The following NAALADL2 variants were observed in gnomAD, a reference collection of about 807,000 sequenced individuals.
NAALADL2 encodes the protein inactive N-acetylated-alpha-linked acidic dipeptidase-like protein 2.
In NAALADL2, 76 loss-of-function variants were observed where a neutral mutation model predicts 87.2. The observed-to-expected ratio is 0.87, with a 90% CI of 0.72 to 1.05. NAALADL2 has a LOEUF of 1.05. Ranked by LOEUF, NAALADL2 falls within the 50% of genes least tolerant of loss-of-function variation. The probability of loss-of-function intolerance (pLI) is 0.00; values close to 1 mark genes in which losing one functional copy is unlikely to be tolerated. For missense variants in NAALADL2, 1,089 were observed against 945.8 expected, an observed-to-expected ratio of 1.15 and a Z score of -1.99; for synonymous variants, 354 against 331.0, an observed-to-expected ratio of 1.07 and a Z score of -0.75.
chr3:175,638,266 A>T (rs980658598), intron 11 of NAALADL2, among the ~76,000 whole-genome samples: 3 of 152,218 alleles, frequency 2.0e-5, no homozygotes, highest in Non-Finnish European at 2.9e-5. Context: ...CAAAGGAAAT[A>T]AAAGAGGGAT....
At chr3:175,281,808 T>C (rs1473563923) in intron 4 of NAALADL2, among the ~76,000 whole-genome samples, 1 of 152,018 alleles carries the variant, frequency 6.6e-6, no homozygotes, top group Non-Finnish European at 1.5e-5. Flanking sequence ...CTACTCTTGT[T>C]TCCCAAATAT....
At chr3:175,057,192 A>T (rs1712388998) in intron 1 of NAALADL2, among the ~76,000 whole-genome samples, 1 of 152,172 alleles carries the variant, frequency 6.6e-6, no homozygotes, top group African/African-American at 2.4e-5. Context: ...TCTATAAGGG[A>T]AAAAATAGAC....
intron 9 of NAALADL2, among the ~76,000 whole-genome samples, chr3:175,550,424 A>G (rs2149489222): frequency 6.6e-6 from 1 of 152,272 alleles, no homozygotes; most frequent in South Asian, 2.1e-4. Flanking sequence ...TCCAGACAAA[A>G]TAGTAACTTG....
At chr3:175,173,514 A>G (rs1314260970) in intron 2 of NAALADL2, among the ~76,000 whole-genome samples, 2 of 152,080 alleles carry the variant, frequency 1.3e-5, no homozygotes, top group Non-Finnish European at 2.9e-5. Context: ...AATAATTCCA[A>G]TGACATTTTT....
intron 2 of NAALADL2, among the ~76,000 whole-genome samples, chr3:175,166,699 T>C (rs1257384551): frequency 6.6e-6 from 1 of 152,060 alleles, no homozygotes; most frequent in African/African-American, 2.4e-5. Flanking sequence ...TAGCTACGTC[T>C]TTCTGCTGAT....
intron 4 of NAALADL2, among the ~76,000 whole-genome samples, chr3:175,274,380 A>G (rs1229976586): frequency 6.6e-6 from 1 of 152,220 alleles, no homozygotes; most frequent in African/African-American, 2.4e-5. Flanking sequence ...TCACATTACA[A>G]CAAAAAACTA....
intron 3 of NAALADL2, among the ~76,000 whole-genome samples, chr3:174,823,352 T>A (rs1381388710): frequency 2.0e-5 from 3 of 152,230 alleles, no homozygotes; most frequent in Non-Finnish European, 4.4e-5. Context: ...ATGGAGGATT[T>A]TTTGCCAATC....
chr3:175,589,042 A>G (rs1215036153), intron 10 of NAALADL2, among the ~76,000 whole-genome samples: 2 of 152,218 alleles, frequency 1.3e-5, no homozygotes, highest in African/African-American at 2.4e-5. Flanking sequence ...ACATATTTAG[A>G]TATTTTTTGA....
At chr3:175,592,136 T>C (rs570604478) in intron 10 of NAALADL2, among the ~76,000 whole-genome samples, 2 of 152,168 alleles carry the variant, frequency 1.3e-5, no homozygotes, top group South Asian at 4.1e-4. Flanking sequence ...ATAGAATTCA[T>C]TTATAAAACT....
At chr3:175,565,813 A>G (rs1324994568) in intron 9 of NAALADL2, among the ~76,000 whole-genome samples, 2 of 150,720 alleles carry the variant, frequency 1.3e-5, no homozygotes, top group East Asian at 3.9e-4. Context: ...CCAAACAAAA[A>G]ACAAAAGCCC....
chr3:174,916,630 T>G (rs2108328043), intron 1 of NAALADL2, among the ~76,000 whole-genome samples: 1 of 151,486 alleles, frequency 6.6e-6, no homozygotes, highest in South Asian at 2.1e-4. Context: ...AACCAAATAT[T>G]ATATGTCCTC....
rs900433443 is a variant in NAALADL2 at position 175,802,889 on chromosome 3, T to A, written c.2190-116T>A. 4.5e-6 allele frequency: 3 copies of A among 673,760 alleles called. No homozygotes were observed. In the Admixed American group the frequency reaches 9.0e-5, roughly 20 times the overall value. 41.7% of individuals were successfully genotyped at this position (673,760 alleles called of 1,614,324 possible). A position where few individuals can be genotyped will look rare whatever the true frequency, so the allele number is the denominator to read the frequency against. On this transcript the variant is annotated intron_variant, in intron 13 of 13. Transcript: ENST00000454872. ...GTTGAAAAATCGTGATATTATATTT[T>A]TATAATTTATTCATTTATTGAAAAC...
At chr3:175,514,138 A>G (rs1157492552) in intron 9 of NAALADL2, among the ~76,000 whole-genome samples, 1 of 152,224 alleles carries the variant, frequency 6.6e-6, no homozygotes, top group Admixed American at 6.5e-5. Context: ...TTAATGTGGT[A>G]AATGCAGCAT....
chr3:174,867,757 G>A (rs987585484), intron 1 of NAALADL2, among the ~76,000 whole-genome samples: 5 of 151,806 alleles, frequency 3.3e-5, no homozygotes, highest in East Asian at 1.9e-4. Context: ...AAGAACCATT[G>A]GCAAATAAAA....
At chr3:174,520,895 G>A (rs1720236242) in intron 1 of NAALADL2, among the ~76,000 whole-genome samples, 1 of 151,962 alleles carries the variant, frequency 6.6e-6, no homozygotes, top group South Asian at 2.1e-4. Context: ...CATACAAGCA[G>A]CCAAGAAACA....
chr3:175,331,085 G>T (rs62287016), intron 5 of NAALADL2, among the ~76,000 whole-genome samples: 18,409 of 152,070 alleles, frequency 0.12, 1,335 homozygotes, highest in Non-Finnish European at 0.16. Context: ...AATCTACAAA[G>T]ATTGAATCAG....
At chr3:174,876,733 G>A (rs1728555389) in intron 1 of NAALADL2, among the ~76,000 whole-genome samples, 1 of 152,046 alleles carries the variant, frequency 6.6e-6, no homozygotes. Flanking sequence ...CTGTTATATT[G>A]AATTTCAACA....
intron 5 of NAALADL2, among the ~76,000 whole-genome samples, chr3:175,377,041 A>C (rs1437838378): frequency 6.6e-6 from 1 of 152,068 alleles, no homozygotes; most frequent in African/African-American, 2.4e-5. Flanking sequence ...GGCCAGATGC[A>C]GTGGCTCACA....
intron 2 of NAALADL2, among the ~76,000 whole-genome samples, chr3:174,669,683 T>C (rs1726334973): frequency 6.6e-6 from 1 of 152,138 alleles, no homozygotes; most frequent in African/African-American, 2.4e-5. Flanking sequence ...GTGATGCTTC[T>C]AATTTTGTTC....
Sources: gnomAD v4.1 joint callset for allele counts (sites outside exome capture counted in the v4.1 genomes callset) on GRCh38, gnomAD v4.1.1 for gene constraint, MANE v1.5 for transcripts, NCBI Gene and HGNC (gene_info 2026-07-23, HGNC 2026-07-21) for gene names.